TEX9: variants seen among roughly 807,000 people sequenced by gnomAD.
TEX9 encodes the protein testis expressed 9.
In TEX9, 74 loss-of-function variants were observed where a neutral mutation model predicts 59.6. The observed-to-expected ratio is 1.24, with a 90% CI of 1.03 to 1.51. TEX9 has a LOEUF of 1.51. Ranked by LOEUF, TEX9 falls within the 40% of genes most tolerant of loss-of-function variation. The pLI is 0.00. For missense variants in TEX9, 522 were observed against 447.8 expected, an observed-to-expected ratio of 1.17 and a Z score of -1.49; for synonymous variants, 186 against 152.2, an observed-to-expected ratio of 1.22 and a Z score of -1.64.
intron 10 of TEX9, among the ~76,000 whole-genome samples, chr15:56,415,874 G>A (rs2049654908): frequency 6.6e-6 from 1 of 151,674 alleles, no homozygotes; most frequent in Non-Finnish European, 1.5e-5. Flanking sequence ...AGCATGGGAT[G>A]TTTTTTCCCG....
In TEX9 at chr15:56,321,154, A is replaced by G. The variant is rs557641462; in HGVS notation, c.-106-52287A>G. Among the ~76,000 whole-genome samples the G allele has an allele frequency of 5.9e-5, 9 of 152,280 alleles. No homozygotes were observed. In the East Asian group the frequency reaches 1.7e-3, roughly 29 times the overall value. On this transcript the variant is annotated intron_variant, in intron 1 of 5. Transcript: ENST00000560827. ...TGGGTCAGAGTTCCTAGTAGATGCG[A>G]ATGATTAGTGGGTGTGATATAATCA...
At chr15:56,381,470 C>T (rs1072358) in intron 3 of TEX9, among the ~76,000 whole-genome samples, 45,490 of 152,026 alleles carry the variant, frequency 0.3, 7,701 homozygotes, top group Middle Eastern at 0.47. Context: ...AGATGTTTGT[C>T]ACTGTCTAGG....
intron 6 of TEX9, among the ~76,000 whole-genome samples, chr15:56,389,990 AATTT>A (rs1387076262): frequency 2.6e-5 from 4 of 151,908 alleles, no homozygotes; most frequent in Non-Finnish European, 5.9e-5. Context: ...TAAGTTATTA[AATTT>A]ATTTGTCTAT....
chr15:56,317,470 A>G (rs1280062465), intron 1 of TEX9, among the ~76,000 whole-genome samples: 2 of 152,172 alleles, frequency 1.3e-5, no homozygotes, highest in Non-Finnish European at 2.9e-5. Flanking sequence ...TTTGTGAATC[A>G]TATCAAAGAA....
At chr15:56,420,140 G>T (rs1483368323) in intron 10 of TEX9, among the ~76,000 whole-genome samples, 1 of 151,362 alleles carries the variant, frequency 6.6e-6, no homozygotes, top group South Asian at 2.1e-4. Context: ...TTCTTGTATT[G>T]GTAATTTGTG....
chr15:56,364,647 AG>A (rs1267547858), upstream of TEX9, among the ~76,000 whole-genome samples: 1 of 152,120 alleles, frequency 6.6e-6, no homozygotes, highest in Non-Finnish European at 1.5e-5. Flanking sequence ...TGTGAAGTTA[AG>A]GGTCTAATTG....
chr15:56,324,977 A>G lies in TEX9; in HGVS notation c.-106-48464A>G, dbSNP rs1393399610. 3.3e-5 allele frequency among the ~76,000 whole-genome samples: 5 copies of G among 152,202 alleles called. 1 individual carries two copies. Reference sequence around the variant, plus strand: ...AGACAGATTATAAAGGAAAAGACCAATAGTTCTTACCTACCTCTAGTCATC... The same window carrying G: ...AGACAGATTATAAAGGAAAAGACCAGTAGTTCTTACCTACCTCTAGTCATC... On this transcript the variant is annotated intron_variant, in intron 1 of 5. Coordinates refer to the TEX9 transcript ENST00000560827.
At chr15:56,299,928 C>A (rs1292786406) in intron 1 of TEX9, among the ~76,000 whole-genome samples, 1 of 151,986 alleles carries the variant, frequency 6.6e-6, no homozygotes, top group Non-Finnish European at 1.5e-5. Flanking sequence ...GAGTGAGACA[C>A]AATATCCTGT....
intron 3 of TEX9, 50 bp from the exon 4 acceptor site, chr15:56,383,902 G>A: frequency 1.5e-6 from 2 of 1,378,390 alleles, no homozygotes; most frequent in East Asian, 2.3e-5. Flanking sequence ...ATATCTTAAT[G>A]GTTTGGTTTT....
At chr15:56,429,741 TTAAA>T (rs2050517976) in intron 12 of TEX9, 1 of 152,198 alleles carries the variant, frequency 6.6e-6, no homozygotes, top group African/African-American at 2.4e-5. Flanking sequence ...TAAAACAAAA[TTAAA>T]TATTTACTTA....
At chr15:56,427,341 G>A (rs1480456090) in intron 10 of TEX9, among the ~76,000 whole-genome samples, 1 of 152,046 alleles carries the variant, frequency 6.6e-6, no homozygotes, top group Admixed American at 6.6e-5. Flanking sequence ...CAGAGTTTAT[G>A]TTGGTTCAAT....
chr15:56,408,025 C>T (rs1371753426), intron 9 of TEX9, among the ~76,000 whole-genome samples: 1 of 152,196 alleles, frequency 6.6e-6, no homozygotes, highest in Admixed American at 6.5e-5. Flanking sequence ...AGATTATACT[C>T]ATTAGTGTAC....
chr15:56,246,736 T>A (rs1181478431), intron 1 of TEX9, among the ~76,000 whole-genome samples: 1 of 152,096 alleles, frequency 6.6e-6, no homozygotes, highest in Non-Finnish European at 1.5e-5. Flanking sequence ...TACCCAACCC[T>A]GAGGAGCCTA....
downstream of TEX9, among the ~76,000 whole-genome samples, chr15:56,446,507 T>C (rs1379259520): frequency 6.6e-6 from 1 of 152,028 alleles, no homozygotes. Context: ...ATTTAAATAA[T>C]TAAAAATTTC....
intron 1 of TEX9, among the ~76,000 whole-genome samples, chr15:56,335,282 A>T (rs1387590488): frequency 2.0e-5 from 3 of 152,174 alleles, no homozygotes; most frequent in Non-Finnish European, 4.4e-5. Context: ...GGATGAAGAA[A>T]ATGTACATAT....
chr15:56,278,484 A>G (rs893160594), intron 1 of TEX9, among the ~76,000 whole-genome samples: 7 of 152,074 alleles, frequency 4.6e-5, no homozygotes, highest in African/African-American at 1.7e-4. Context: ...AGTCCGCCAT[A>G]TTTTGTCTCC....
chr15:56,370,736 T>G (rs2047157432), intron 2 of TEX9, among the ~76,000 whole-genome samples: 1 of 152,222 alleles, frequency 6.6e-6, no homozygotes, highest in African/African-American at 2.4e-5. Context: ...ATTCTGTATT[T>G]TCACTGTGAT....
intron 1 of TEX9, among the ~76,000 whole-genome samples, chr15:56,355,141 A>T (rs892215556): frequency 6.6e-6 from 1 of 152,130 alleles, no homozygotes; most frequent in Non-Finnish European, 1.5e-5. Context: ...CTAGGCAAAC[A>T]TCTATCTAGT....
At chr15:56,425,783 C>T (rs2050208966) in intron 10 of TEX9, among the ~76,000 whole-genome samples, 1 of 151,988 alleles carries the variant, frequency 6.6e-6, no homozygotes, top group Admixed American at 6.5e-5. Flanking sequence ...CTTTGAATGT[C>T]TTGTGATCTT....
Sources: allele counts gnomAD v4.1 joint callset (sites outside exome capture counted in the v4.1 genomes callset), GRCh38; gene constraint gnomAD v4.1.1; transcripts MANE v1.5; gene names NCBI Gene and HGNC (gene_info 2026-07-23, HGNC 2026-07-21).